The following USP7 variants were observed in gnomAD, a reference collection of about 807,000 sequenced individuals.
USP7 encodes the protein ubiquitin specific peptidase 7, also known as ubiquitin C-terminal hydrolase 7.
A neutral mutation model predicts 162.9 loss-of-function variants in USP7; 9 were observed. The ratio of observed to expected loss-of-function variants is 0.06; its 90% CI spans 0.03 to 0.10. The LOEUF is 0.10. USP7 is among the 10% of genes least tolerant of loss of function. The probability of loss-of-function intolerance (pLI) is 1.00; values close to 1 mark genes in which losing one functional copy is unlikely to be tolerated. For missense variants in USP7, 715 were observed against 1,373.7 expected, an observed-to-expected ratio of 0.52 and a Z score of 7.58; for synonymous variants, 562 against 475.9, an observed-to-expected ratio of 1.18 and a Z score of -2.35.
intron 26 of USP7, among the ~76,000 whole-genome samples, chr16:8,896,248 G>A (rs1277499819): frequency 1.3e-5 from 2 of 151,676 alleles, no homozygotes; most frequent in Non-Finnish European, 2.9e-5. Flanking sequence ...GGGCTCTGCT[G>A]GACAAAGTGG....
chr16:8,919,001 G>A (rs1897531830), intron 6 of USP7, 30 bp downstream of exon 6: 1 of 1,606,258 alleles, frequency 6.2e-7, no homozygotes, highest in Non-Finnish European at 8.5e-7. Flanking sequence ...GTGAGCGGAA[G>A]GCTGCAGGAG....
In USP7 at chr16:8,904,580, C is replaced by T; in HGVS notation, c.1574-15G>A. 1 of 1,613,178 alleles carries T rather than the reference C, an allele frequency of 6.2e-7. No homozygotes were observed. ...TAAAACTTCACCTGCAGGACAAAGG[C>T]ATCCTCTTTGACCCCTGCAGATGGA... On this transcript the variant is annotated splice_polypyrimidine_tract_variant and intron_variant, in intron 14 of 30. Coordinates refer to ENST00000344836, the MANE Select transcript of USP7 (RefSeq NM_003470.3).
chr16:8,897,135 A>C (rs776528267), intron 25 of USP7, 36 bp from the exon 26 acceptor site: 2 of 1,496,090 alleles, frequency 1.3e-6, no homozygotes, highest in East Asian at 4.5e-5. Flanking sequence ...TGCTTTCAAG[A>C]AAGCATAAAA....
At chr16:8,962,670 G>A in intron 1 of USP7, 1 of 203,994 alleles carries the variant, frequency 4.9e-6, no homozygotes, top group Non-Finnish European at 1.1e-5. Flanking sequence ...GACAACATCT[G>A]CGTTCCTTGC....
intron 12 of USP7, among the ~76,000 whole-genome samples, chr16:8,907,370 G>C (rs1351473159): frequency 6.6e-6 from 1 of 152,190 alleles, no homozygotes; most frequent in Non-Finnish European, 1.5e-5. Context: ...ACTGTGAATG[G>C]GTGACCAAAG....
intron 1 of USP7, among the ~76,000 whole-genome samples, chr16:8,933,507 T>C (rs974379111): frequency 1.4e-4 from 21 of 152,196 alleles, no homozygotes. Context: ...ATTCAAAAGA[T>C]GTCTACAGAA....
chr16:8,941,399 T>C (rs1056648492), intron 1 of USP7, among the ~76,000 whole-genome samples: 1 of 152,152 alleles, frequency 6.6e-6, no homozygotes, highest in Non-Finnish European at 1.5e-5. Context: ...AAAGAAAACA[T>C]CTTATTCTGT....
chr16:8,911,689 G>C (rs968692501), intron 10 of USP7, among the ~76,000 whole-genome samples: 1 of 152,212 alleles, frequency 6.6e-6, no homozygotes, highest in Non-Finnish European at 1.5e-5. Flanking sequence ...GTGAGAATGA[G>C]AGGAGCTCAA....
Position 8,920,435 on chromosome 16 carries a change from G to C in USP7, c.535C>G (p.Pro179Ala). The C allele has an allele frequency of 6.2e-7, 1 of 1,612,850 alleles. No individual in the cohort carries two copies. The highest frequency in any genetic ancestry group is 8.5e-7 in the Non-Finnish European group (1 of 1,179,664). ...TCATCATCTATAAATCCTTTCTCAG[G>C]ATCGGTCACTTCCTATAAAACATAA... is the stretch of plus-strand genomic sequence containing the variant. Reference protein sequence around the residue: ...NFMAWSEVTDPEKGFIDDDKV... With the variant: ...NFMAWSEVTDAEKGFIDDDKV... Residue 179 changes from proline (P) to alanine (A), a missense_variant, in exon 5 of 31, where the codon CCT becomes GCT. Physicochemically the swap from Pro to Ala is conservative, Grantham distance 27. Around this residue, in one of 11 missense-constraint regions of USP7, gnomAD observed 30 missense variants for 27.6 expected, o/e 1.09. Coordinates refer to ENST00000344836, the MANE Select transcript of USP7 (RefSeq NM_003470.3).
intron 13 of USP7, among the ~76,000 whole-genome samples, chr16:8,906,096 C>T (rs945076690): frequency 6.6e-6 from 1 of 152,178 alleles, no homozygotes; most frequent in Admixed American, 6.5e-5. Flanking sequence ...GAGGGACATG[C>T]GACCAGCCAG....
rs2141215050 is a variant in USP7, at chr16:8,923,106, A to AATCTAAT, written c.383+108_383+109insATTAGAT. 9.4e-6 allele frequency: 5 copies of AATCTAAT among 531,632 alleles called. No homozygotes were observed. In the East Asian group the frequency reaches 2.6e-4, roughly 27 times the overall value. 32.9% of individuals were successfully genotyped at this position (531,632 alleles called of 1,614,324 possible). On this transcript the variant is annotated intron_variant, in intron 3 of 30. Coordinates refer to ENST00000344836, the MANE Select transcript of USP7 (RefSeq NM_003470.3). ...CAGTGGGTTTTAAAGAGAAACACGT[A>AATCTAAT]TTTAATCTAATTTAAAATCAAAAGG...
At chr16:8,954,734 T>TG (rs1899713463) in intron 1 of USP7, among the ~76,000 whole-genome samples, 1 of 152,140 alleles carries the variant, frequency 6.6e-6, no homozygotes, top group African/African-American at 2.4e-5. Flanking sequence ...CCCAGCACTT[T>TG]GGGGGTCTGA....
intron 1 of USP7, among the ~76,000 whole-genome samples, chr16:8,941,776 A>G (rs891714148): frequency 1.1e-4 from 17 of 152,088 alleles, no homozygotes; most frequent in Non-Finnish European, 2.4e-4. Context: ...CAGGTGTGAG[A>G]CCACCGGCCA....
intron 1 of USP7, among the ~76,000 whole-genome samples, chr16:8,934,568 T>A (rs913228190): frequency 6.6e-6 from 1 of 152,350 alleles, no homozygotes; most frequent in Admixed American, 6.5e-5. Context: ...ATGGTTCTAG[T>A]GTGAAGTTAG....
At chr16:8,922,667 AGAATCAACTG>A (rs1897763704) in intron 3 of USP7, among the ~76,000 whole-genome samples, 2 of 152,248 alleles carry the variant, frequency 1.3e-5, no homozygotes, top group South Asian at 4.1e-4. Context: ...CCGTACTCCC[AGAATCAACTG>A]GGTTTTTGAT....
In USP7 at chr16:8,921,429, A is replaced by G. The variant is rs568450181; in HGVS notation, c.384-134T>C. ...CTCTCTCCTTTCGGGTTGGGGTTAAAGGTAGGATGGAGGCATTTTTACCTT... is the reference window on the plus strand; with the variant it reads ...CTCTCTCCTTTCGGGTTGGGGTTAAGGGTAGGATGGAGGCATTTTTACCTT... On this transcript the variant is annotated intron_variant, in intron 3 of 30. Coordinates refer to ENST00000344836, the MANE Select transcript of USP7 (RefSeq NM_003470.3). The G allele has an allele frequency of 5.4e-4, 566 of 1,048,480 alleles. 2 individuals carry two copies. The highest frequency in any genetic ancestry group is 3.7e-3 in the Middle Eastern group (15 of 4,006). The allele number at this position is 1,048,480 out of a possible 1,614,324, so 64.9% of individuals were successfully genotyped here.
At chr16:8,916,609 A>G (rs940413871) in intron 7 of USP7, 53 bp from the exon 8 acceptor site, 90 of 1,523,598 alleles carry the variant, frequency 5.9e-5, no homozygotes, top group Non-Finnish European at 7.3e-5. Flanking sequence ...TCAAATGAGC[A>G]AATTAAAAGT....
chr16:8,952,528 T>C (rs534173494), intron 1 of USP7, among the ~76,000 whole-genome samples: 5 of 152,250 alleles, frequency 3.3e-5, no homozygotes, highest in East Asian at 3.9e-4. Flanking sequence ...AGCCACCCCA[T>C]TCCTGGGCTC....
At chr16:8,914,793 C>T (rs1019556261) in intron 10 of USP7, among the ~76,000 whole-genome samples, 1 of 152,148 alleles carries the variant, frequency 6.6e-6, no homozygotes, top group Non-Finnish European at 1.5e-5. Flanking sequence ...GTGGCACACG[C>T]CTGTGTTCCC....
Sources: gnomAD v4.1 joint callset for allele counts (sites outside exome capture counted in the v4.1 genomes callset) on GRCh38, gnomAD v4.1.1 for gene constraint, gnomAD v4.1.1 regional missense constraint, MANE v1.5 for transcripts, NCBI Gene and HGNC (gene_info 2026-07-23, HGNC 2026-07-21) for gene names.